SNTB1: variants seen among roughly 807,000 people sequenced by gnomAD.
The protein encoded by SNTB1 is syntrophin beta 1.
Under a neutral mutation model 48.9 loss-of-function variants are expected in SNTB1, and 36 were observed. The ratio of observed to expected loss-of-function variants is 0.74; its 90% CI spans 0.56 to 0.97. SNTB1 has a LOEUF of 0.97. Ranked by LOEUF, SNTB1 falls within the 50% of genes least tolerant of loss-of-function variation. The pLI, the probability that SNTB1 is intolerant of heterozygous loss-of-function variation, is 0.00. For synonymous variants in SNTB1, 299 were observed against 294.6 expected (o/e 1.01, Z -0.15); for missense variants, 786 against 703.4 (o/e 1.12, Z -1.33).
chr8:120,624,406 A>G (rs1173726459), intron 3 of SNTB1, among the ~76,000 whole-genome samples: 1 of 152,210 alleles, frequency 6.6e-6, no homozygotes, highest in Non-Finnish European at 1.5e-5. Flanking sequence ...AAGGTGGTCA[A>G]GCATCCTTTT....
chr8:120,558,464 A>C (rs1425456774), intron 4 of SNTB1, among the ~76,000 whole-genome samples: 1 of 152,216 alleles, frequency 6.6e-6, no homozygotes. Flanking sequence ...CACAAAATTG[A>C]TTAGTTACAA....
chr8:120,811,206 C>T (rs1587183286), intron 1 of SNTB1, 67 bp downstream of exon 1: 1 of 1,521,192 alleles, frequency 6.6e-7, no homozygotes, highest in Admixed American at 2.0e-5. Flanking sequence ...TGAGTGTGAG[C>T]GTGCGGGTGG....
rs116653683 is a variant in SNTB1 at position 120,617,340 on chromosome 8, A to T, written c.996+15104T>A. Among the ~76,000 whole-genome samples, 493 of 152,298 alleles carry T rather than the reference A, an allele frequency of 3.2e-3. 3 individuals are homozygous for T. Among genetic ancestry groups the T allele is most frequent in the African/African-American group, 0.011 (475 of 41,600 alleles). ...TGTGGTTCTTAGAGTTGGGACACCA[A>T]GGAAGAATATTTTTGTGGAATGAGA... On this transcript the variant is annotated intron_variant, in intron 3 of 6. Coordinates refer to ENST00000517992, the MANE Select transcript of SNTB1 (RefSeq NM_021021.4).
chr8:120,789,977 C>T (rs952321641), intron 1 of SNTB1, among the ~76,000 whole-genome samples: 1 of 151,802 alleles, frequency 6.6e-6, no homozygotes, highest in Non-Finnish European at 1.5e-5. Flanking sequence ...AATATAGATA[C>T]AAAAATCCTC....
chr8:120,663,782 G>A (rs1044517008), intron 2 of SNTB1, among the ~76,000 whole-genome samples: 3 of 152,270 alleles, frequency 2.0e-5, no homozygotes, highest in East Asian at 1.9e-4. Flanking sequence ...AGACAGAGAC[G>A]GGGCAAGGAG....
intron 1 of SNTB1, among the ~76,000 whole-genome samples, chr8:120,764,457 G>C (rs962150178): frequency 6.6e-6 from 1 of 152,210 alleles, no homozygotes; most frequent in Non-Finnish European, 1.5e-5. Context: ...ATAGTGGGTA[G>C]TCACAGTGGT....
chr8:120,593,519 T>C (rs367722570), intron 3 of SNTB1, among the ~76,000 whole-genome samples: 2 of 152,312 alleles, frequency 1.3e-5, no homozygotes, highest in Admixed American at 6.5e-5. Flanking sequence ...AGAGTCTCTG[T>C]TGGTGATGGA....
chr8:120,731,922 G>A (rs1363728430), intron 1 of SNTB1, among the ~76,000 whole-genome samples: 1 of 152,142 alleles, frequency 6.6e-6, no homozygotes, highest in Non-Finnish European at 1.5e-5. Context: ...TTCTGCAAAG[G>A]GGACTAGTAT....
chr8:120,661,554 T>A (rs991028775), intron 2 of SNTB1, among the ~76,000 whole-genome samples: 1 of 152,228 alleles, frequency 6.6e-6, no homozygotes. Context: ...TAGGTATACA[T>A]GTGCCATGGT....
intron 3 of SNTB1, among the ~76,000 whole-genome samples, chr8:120,605,829 G>T (rs10808513): frequency 0.64 from 96,940 of 151,958 alleles, 32,138 homozygotes; most frequent in Non-Finnish European, 0.73. Flanking sequence ...TCAGCCTTAT[G>T]GAATCTTTAA....
intron 1 of SNTB1, among the ~76,000 whole-genome samples, chr8:120,754,512 A>G (rs546512557): frequency 2.0e-5 from 3 of 151,942 alleles, no homozygotes; most frequent in Non-Finnish European, 4.4e-5. Context: ...AGAAAAAGAA[A>G]TCTAGTTCTG....
At chr8:120,613,828 C>T (rs1816665618) in intron 3 of SNTB1, among the ~76,000 whole-genome samples, 1 of 152,188 alleles carries the variant, frequency 6.6e-6, no homozygotes, top group African/African-American at 2.4e-5. Flanking sequence ...GGACATCTCA[C>T]TTTTCAGTTA....
chr8:120,751,679 G>A (rs1819217622), intron 1 of SNTB1, among the ~76,000 whole-genome samples: 1 of 151,914 alleles, frequency 6.6e-6, no homozygotes, highest in South Asian at 2.1e-4. Flanking sequence ...CTGACCACCA[G>A]CTCCATCACT....
rs188788383 is a variant in SNTB1, at chr8:120,636,918, C to T, written c.789-4267G>A. The T allele has an allele frequency of 1.2e-5, 3 of 258,726 alleles. No individual in the cohort carries two copies. The Admixed American group carries it at 1.2e-4, about 10-fold the overall frequency. 16.0% of individuals were successfully genotyped at this position (258,726 alleles called of 1,614,324 possible). ...GACCCGAATTTCTGGTGAGCATGGACTTCTTAAGATCTCATTGCAAATTTT... is the reference window on the plus strand; with the variant it reads ...GACCCGAATTTCTGGTGAGCATGGATTTCTTAAGATCTCATTGCAAATTTT... On this transcript the variant is annotated intron_variant, in intron 2 of 6. Transcript: ENST00000517992.
intron 1 of SNTB1, among the ~76,000 whole-genome samples, chr8:120,727,606 G>A (rs1296751554): frequency 6.6e-6 from 1 of 152,166 alleles, no homozygotes; most frequent in Non-Finnish European, 1.5e-5. Context: ...ACCACCAGGT[G>A]TTTTTTCATC....
chr8:120,687,033 T>C (rs1818046690), intron 2 of SNTB1, among the ~76,000 whole-genome samples: 1 of 152,154 alleles, frequency 6.6e-6, no homozygotes, highest in Admixed American at 6.5e-5. Context: ...AAAAAGTACC[T>C]CATAAATCTT....
chr8:120,640,858 A>C (rs1302625718), intron 2 of SNTB1, among the ~76,000 whole-genome samples: 1 of 152,116 alleles, frequency 6.6e-6, no homozygotes, highest in Non-Finnish European at 1.5e-5. Flanking sequence ...TGTGTCTGCC[A>C]GGCTTTGGTA....
chr8:120,663,071 G>A (rs1298928654), intron 2 of SNTB1, among the ~76,000 whole-genome samples: 1 of 151,872 alleles, frequency 6.6e-6, no homozygotes, highest in South Asian at 2.1e-4. Context: ...AATGACTGCC[G>A]TCTAGGAGAG....
intron 1 of SNTB1, among the ~76,000 whole-genome samples, chr8:120,781,358 C>A (rs1208499765): frequency 1.3e-5 from 2 of 152,038 alleles, no homozygotes; most frequent in Non-Finnish European, 2.9e-5. Context: ...TATAAGACAT[C>A]CTGTATTTTG....
Sources: gnomAD v4.1 joint callset for allele counts (sites outside exome capture counted in the v4.1 genomes callset) on GRCh38, gnomAD v4.1.1 for gene constraint, MANE v1.5 for transcripts, NCBI Gene and HGNC (gene_info 2026-07-23, HGNC 2026-07-21) for gene names.